PARD3B: variants seen among roughly 807,000 people sequenced by gnomAD.
PARD3B encodes partitioning defective 3 homolog B.
Under a neutral mutation model 130.2 loss-of-function variants are expected in PARD3B, and 103 were observed. That is an observed-to-expected ratio of 0.79 (90% CI 0.67 to 0.93). PARD3B has a LOEUF of 0.93. PARD3B is among the 40% of genes least tolerant of loss of function. The probability of loss-of-function intolerance (pLI) is 0.00; values close to 1 mark genes in which losing one functional copy is unlikely to be tolerated. For missense variants in PARD3B, 1,609 were observed against 1,499.2 expected (o/e 1.07, Z -1.21); for synonymous variants, 583 against 553.2 (o/e 1.05, Z -0.76).
At chr2:205,581,430 T>TATATAA in intron 22 of PARD3B, among the ~76,000 whole-genome samples, 1 of 145,334 alleles carries the variant, frequency 6.9e-6, no homozygotes, top group East Asian at 1.9e-4. Context: ...TATATAAATA[T>TATATAA]ATATAAATAT....
intron 22 of PARD3B, among the ~76,000 whole-genome samples, chr2:205,599,865 A>G (rs1221008755): frequency 6.6e-6 from 1 of 152,290 alleles, no homozygotes; most frequent in Admixed American, 6.5e-5. Flanking sequence ...TTTTACCTAC[A>G]TGGTAACTTT....
chr2:205,119,162 C>A, intron 7 of PARD3B, 116 bp downstream of exon 7: 1 of 1,331,860 alleles, frequency 7.5e-7, no homozygotes, highest in Non-Finnish European at 1.0e-6. Context: ...TCCCTTTGAA[C>A]GATCCAGGAT....
At chr2:205,162,286 G>A (rs1250263239) in intron 11 of PARD3B, among the ~76,000 whole-genome samples, 1 of 152,126 alleles carries the variant, frequency 6.6e-6, no homozygotes, top group Non-Finnish European at 1.5e-5. Context: ...AAGAAATAAA[G>A]CCCAGAAACT....
intron 2 of PARD3B, among the ~76,000 whole-genome samples, chr2:204,881,148 G>A (rs1022709924): frequency 1.3e-5 from 2 of 152,102 alleles, no homozygotes; most frequent in Non-Finnish European, 2.9e-5. Context: ...AACCATGAGC[G>A]TATTAGATAT....
chr2:205,489,419 A>G (rs752554452), intron 20 of PARD3B, among the ~76,000 whole-genome samples: 1 of 151,376 alleles, frequency 6.6e-6, no homozygotes, highest in Non-Finnish European at 1.5e-5. Context: ...CGAGGTTACA[A>G]TCAGCTATTA....
At chr2:204,593,934 C>G (rs2033178700) in intron 1 of PARD3B, among the ~76,000 whole-genome samples, 1 of 152,116 alleles carries the variant, frequency 6.6e-6, no homozygotes, top group Non-Finnish European at 1.5e-5. Context: ...TAAGGAGTTC[C>G]ACAGTTGTGT....
chr2:204,728,233 G>C (rs1194388364), intron 2 of PARD3B, among the ~76,000 whole-genome samples: 2 of 152,060 alleles, frequency 1.3e-5, no homozygotes, highest in Admixed American at 1.3e-4. Context: ...TTTATTTACA[G>C]TTTATACTCA....
At chr2:204,750,651 T>C (rs1408960537) in intron 2 of PARD3B, among the ~76,000 whole-genome samples, 1 of 151,882 alleles carries the variant, frequency 6.6e-6, no homozygotes, top group East Asian at 1.9e-4. Context: ...CATACATACA[T>C]ACATAAAAGG....
chr2:204,920,009 C>T (rs529626448), intron 2 of PARD3B, among the ~76,000 whole-genome samples: 1 of 151,876 alleles, frequency 6.6e-6, no homozygotes, highest in South Asian at 2.1e-4. Flanking sequence ...CTTATTTATT[C>T]CTATAGTCAT....
At chr2:205,013,981 G>T (rs1695926920) in intron 3 of PARD3B, among the ~76,000 whole-genome samples, 1 of 152,114 alleles carries the variant, frequency 6.6e-6, no homozygotes, top group South Asian at 2.1e-4. Context: ...TTCAATCCTT[G>T]TCTGTGTCTA....
chr2:205,582,383 T>C (rs2054019560), intron 22 of PARD3B, among the ~76,000 whole-genome samples: 1 of 152,150 alleles, frequency 6.6e-6, no homozygotes, highest in African/African-American at 2.4e-5. Context: ...ACCATTACAA[T>C]GCTGGTAATT....
chr2:204,746,250 C>T (rs895787001), intron 2 of PARD3B, among the ~76,000 whole-genome samples: 62 of 150,336 alleles, frequency 4.1e-4, no homozygotes, highest in African/African-American at 1.1e-3. Flanking sequence ...TTTGTGCTTG[C>T]GGTAGTTTGC....
intron 10 of PARD3B, among the ~76,000 whole-genome samples, chr2:205,137,930 T>A (rs2032623909): frequency 6.6e-6 from 1 of 152,168 alleles, no homozygotes; most frequent in Non-Finnish European, 1.5e-5. Context: ...CAAGGTCAAG[T>A]CACAAGGCCA....
chr2:205,317,594 T>C (rs1574682090), intron 18 of PARD3B, among the ~76,000 whole-genome samples: 1 of 152,310 alleles, frequency 6.6e-6, no homozygotes. Context: ...AGTGGGCCAG[T>C]CGATCACCCT....
intron 18 of PARD3B, among the ~76,000 whole-genome samples, chr2:205,353,279 C>G (rs1320928204): frequency 6.6e-6 from 1 of 152,194 alleles, no homozygotes; most frequent in Non-Finnish European, 1.5e-5. Context: ...TTAAACATAT[C>G]CCCAGACCTG....
Position 204,953,418 on chromosome 2 carries a change from CACAG to C in PARD3B, c.223-11732_223-11729del, listed in dbSNP as rs1243919909. ...ACATATATATGTTAACATACACACACACAGAGAGAGAGAGAGAGAGAGAGAGAGA... is the reference window on the plus strand; with the variant it reads ...ACATATATATGTTAACATACACACACAGAGAGAGAGAGAGAGAGAGAGAGA... On this transcript the variant is annotated intron_variant, in intron 2 of 22. Transcript: ENST00000406610. Among the ~76,000 whole-genome samples, 445 of 117,510 alleles carry C rather than the reference CACAG, an allele frequency of 3.8e-3. 7 individuals are homozygous for C. Among genetic ancestry groups the C allele is most frequent in the African/African-American group, 0.013 (417 of 31,308 alleles). 77.1% of individuals were successfully genotyped at this position (117,510 alleles called of 152,430 possible). A position where few individuals can be genotyped will look rare whatever the true frequency, so the allele number is the denominator to read the frequency against.
At chr2:205,024,791 A>G (rs925115771) in intron 3 of PARD3B, among the ~76,000 whole-genome samples, 2 of 152,242 alleles carry the variant, frequency 1.3e-5, no homozygotes, top group Admixed American at 6.5e-5. Flanking sequence ...TTTCAAGCCT[A>G]TAGGTAAGCA....
At chr2:204,882,426 A>G (rs2046090684) in intron 2 of PARD3B, among the ~76,000 whole-genome samples, 1 of 152,226 alleles carries the variant, frequency 6.6e-6, no homozygotes, top group African/African-American at 2.4e-5. Flanking sequence ...TAATCTACAA[A>G]TGCCAATAGA....
At position 205,550,007 on chromosome 2, in the gene PARD3B, A is replaced by C. The variant is rs1003031774; in HGVS notation, c.3181-3317A>C. Among the ~76,000 whole-genome samples the C allele has an allele frequency of 6.6e-6, 1 of 152,212 alleles. No homozygotes were observed. Among genetic ancestry groups the C allele is most frequent in the Non-Finnish European group, 1.5e-5 (1 of 68,046 alleles). On this transcript the variant is annotated intron_variant, in intron 21 of 22. Transcript: ENST00000406610. The surrounding 1 kb of genome is among the most constrained non-coding windows in gnomAD (Gnocchi z 4.5). ...CAGCAATAGCCACAGTAGGAGCAACAGTAGTATAGTTGCTAGTTAGTAGTA... is the reference window on the plus strand; with the variant it reads ...CAGCAATAGCCACAGTAGGAGCAACCGTAGTATAGTTGCTAGTTAGTAGTA...
Sources: allele counts gnomAD v4.1 joint callset (sites outside exome capture counted in the v4.1 genomes callset), GRCh38; gene constraint gnomAD v4.1.1; non-coding constraint Gnocchi (gnomAD v3.1); transcripts MANE v1.5; gene names NCBI Gene and HGNC (gene_info 2026-07-23, HGNC 2026-07-21).